GGNBP2: variants seen among roughly 807,000 people sequenced by gnomAD.
GGNBP2 encodes the protein gametogenetin-binding protein 2.
In GGNBP2, 10 loss-of-function variants were observed where a neutral mutation model predicts 85.9. The observed-to-expected ratio is 0.12, with a 90% CI of 0.07 to 0.20. The LOEUF (loss-of-function observed/expected upper bound fraction) is 0.20, where lower values mean the gene tolerates loss of function less well. Among genes scored for constraint, GGNBP2 ranks in the 10% least tolerant of loss-of-function variants. The probability of loss-of-function intolerance (pLI) is 1.00; values close to 1 mark genes in which losing one functional copy is unlikely to be tolerated. For synonymous variants in GGNBP2, 287 were observed against 285.7 expected, an observed-to-expected ratio of 1.00 and a Z score of -0.05; for missense variants, 595 against 857.8, an observed-to-expected ratio of 0.69 and a Z score of 3.83.
intron 12 of GGNBP2, 162 bp downstream of exon 12, chr17:36,586,360 T>C (rs1567836292): frequency 1.0e-5 from 8 of 786,326 alleles, no homozygotes; most frequent in African/African-American, 1.7e-5. Context: ...GAGTGTGGGT[T>C]GGGGGCAGAG....
At chr17:36,576,573 AAAAAAAAAAAAAT>A (rs1329852924) in intron 6 of GGNBP2, 115 of 26,886 alleles carry the variant, frequency 4.3e-3, no homozygotes, top group Admixed American at 9.1e-3. Flanking sequence ...AAAAAAAAAA[AAAAAAAAAAAAAT>A]ATATATATAT....
chr17:36,579,349 T>G lies in GGNBP2; in HGVS notation c.950T>G (p.Leu317Arg). Residue 317 changes from leucine to arginine, a missense_variant, in exon 8 of 14, where the codon CTA (leucine) becomes CGA (arginine). Physicochemically the swap from Leu to Arg is moderately radical, Grantham distance 102. This residue lies in a region of GGNBP2 where 92 missense variants were observed against 183.9 expected (regional missense o/e 0.50). Transcript: ENST00000613102. ...YERLHRIWQK[L>R]RAEEQTWQML... Reference sequence around the variant, plus strand: ...AGACTGCATCGAATCTGGCAGAAGCTACGGGCAGAAGAGCAGACATGGCAG... The same window carrying G: ...AGACTGCATCGAATCTGGCAGAAGCGACGGGCAGAAGAGCAGACATGGCAG... The G allele has an allele frequency of 6.2e-7, 1 of 1,614,224 alleles. No individual in the cohort carries two copies. The highest frequency in any genetic ancestry group is 1.1e-5 in the South Asian group (1 of 91,092).
At chr17:36,582,940 T>C (rs930951683) in intron 9 of GGNBP2, among the ~76,000 whole-genome samples, 1 of 152,200 alleles carries the variant, frequency 6.6e-6, no homozygotes, top group Non-Finnish European at 1.5e-5. Flanking sequence ...TAATGTTAAC[T>C]AAATATTTTT....
At position 36,560,773 on chromosome 17, in the gene GGNBP2, G is replaced by A. The variant is rs200365164; in HGVS notation, c.429G>A (p.Gly143=). 8.5e-5 allele frequency: 127 copies of A among 1,491,856 alleles called. 1 individual carries two copies. In the African/African-American group the frequency reaches 1.7e-3, roughly 20 times the overall value. The allele number at this position is 1,491,856 out of a possible 1,614,324, so 92.4% of individuals were successfully genotyped here. A position where few individuals can be genotyped will look rare whatever the true frequency, so the allele number is the denominator to read the frequency against. ...KKLYTLFYVH[G]SKLNDMIDAI... ...CTTAATATGTTTTATTTTTAATTAG[G>A]TCCAAACTAAATGACATGATAGATG... The change falls in exon 5 of 14, where the codon GGG becomes GGA. Residue 143 remains glycine (G), a splice_region_variant and synonymous_variant. Coordinates refer to ENST00000613102, the MANE Select transcript of GGNBP2 (RefSeq NM_024835.5).
Position 36,550,322 on chromosome 17 carries a change from G to GT in GGNBP2, c.94-4488dup, listed in dbSNP as rs369077664. On this transcript the variant is annotated intron_variant, in intron 2 of 13. Transcript: ENST00000613102. ...TACTCTGATAAGAGTTTGGGGTTTTGTTTTTTTTTTCTTTTTGTTCTTGTT... is the reference window on the plus strand; with the variant it reads ...TACTCTGATAAGAGTTTGGGGTTTTGTTTTTTTTTTTCTTTTTGTTCTTGTT... Among the ~76,000 whole-genome samples the GT allele has an allele frequency of 2.3e-3, 340 of 147,740 alleles. 1 individual carries two copies. Among genetic ancestry groups the GT allele is most frequent in the Middle Eastern group, 0.01 (3 of 286 alleles).
chr17:36,566,870 CAA>C (rs1036559728), intron 5 of GGNBP2, among the ~76,000 whole-genome samples: 2 of 145,662 alleles, frequency 1.4e-5, no homozygotes, highest in Non-Finnish European at 3.0e-5. Context: ...GGAGTGATTA[CAA>C]AAAAAAAATT....
intron 5 of GGNBP2, among the ~76,000 whole-genome samples, chr17:36,565,176 G>A (rs2074456027): frequency 6.6e-6 from 1 of 152,150 alleles, no homozygotes; most frequent in Admixed American, 6.6e-5. Context: ...ACCCAAAAGT[G>A]GACATTGGAT....
intron 5 of GGNBP2, among the ~76,000 whole-genome samples, chr17:36,561,421 C>T (rs754979217): frequency 6.6e-6 from 1 of 151,922 alleles, no homozygotes; most frequent in African/African-American, 2.4e-5. Context: ...CACACTCGGC[C>T]GGTTGAAGTC....
chr17:36,569,251 A>G (rs1599526820), intron 6 of GGNBP2, among the ~76,000 whole-genome samples: 1 of 152,150 alleles, frequency 6.6e-6, no homozygotes, highest in East Asian at 1.9e-4. Context: ...GTGTCTACTA[A>G]AAATAAAAAA....
chr17:36,569,341 G>A (rs1340316196), intron 6 of GGNBP2, among the ~76,000 whole-genome samples: 1 of 152,188 alleles, frequency 6.6e-6, no homozygotes, highest in Non-Finnish European at 1.5e-5. Flanking sequence ...GAAACCAGGA[G>A]GTAGAGGTTG....
intron 2 of GGNBP2, among the ~76,000 whole-genome samples, chr17:36,552,256 G>A (rs1443181683): frequency 6.6e-6 from 1 of 152,096 alleles, no homozygotes; most frequent in Non-Finnish European, 1.5e-5. Context: ...TAAACCTTTT[G>A]ATGATTCCAG....
At chr17:36,563,804 C>T (rs34874411) in intron 5 of GGNBP2, among the ~76,000 whole-genome samples, 2 of 149,078 alleles carry the variant, frequency 1.3e-5, no homozygotes, top group Non-Finnish European at 3.0e-5. Context: ...AGTGCAGTGG[C>T]GCGATCTCGG....
intron 8 of GGNBP2, among the ~76,000 whole-genome samples, chr17:36,580,446 T>C (rs1688804638): frequency 6.6e-6 from 1 of 151,776 alleles, no homozygotes; most frequent in Non-Finnish European, 1.5e-5. Context: ...CCTGACCTCG[T>C]GATCCGCTGC....
Position 36,545,769 on chromosome 17 carries a change from C to T in GGNBP2, c.45C>T (p.Phe15=), listed in dbSNP as rs140693226. Residue 15 remains phenylalanine, a synonymous_variant, in exon 2 of 14, where the codon TTC becomes TTT. Coordinates refer to ENST00000613102, the MANE Select transcript of GGNBP2 (RefSeq NM_024835.5). ...TGTGCAGGGACGGGGAGGAGGAGTT[C>T]CCCTTCGAGAGGAGGCAGATTCCCC... The part of the protein sequence containing the change: ...VAVCRDGEEE[F]PFERRQIPLY... 12 of 1,583,560 alleles carry T rather than the reference C, an allele frequency of 7.6e-6. No individual in the cohort carries two copies. In the African/African-American group the frequency reaches 1.6e-4, roughly 21 times the overall value.
chr17:36,545,642 G>GCGGCGGCGGCAGAAA lies in GGNBP2; in HGVS notation c.-81_-67dup, dbSNP rs1393921586. 5 of 1,078,474 alleles carry GCGGCGGCGGCAGAAA rather than the reference G, an allele frequency of 4.6e-6. No individual in the cohort carries two copies. In the East Asian group the frequency reaches 1.3e-4, roughly 28 times the overall value. 66.8% of individuals were successfully genotyped at this position (1,078,474 alleles called of 1,614,324 possible). ...AGGCAGGAGCTGGGAGGAGGCGGCA[G>GCGGCGGCGGCAGAAA]CGGCGGCGGCAGAAACAGCAGCGGC... On this transcript the variant is annotated 5_prime_UTR_variant, in exon 2 of 14. Transcript: ENST00000613102.
At chr17:36,561,988 T>C (rs1042050051) in intron 5 of GGNBP2, among the ~76,000 whole-genome samples, 1 of 152,124 alleles carries the variant, frequency 6.6e-6, no homozygotes, top group African/African-American at 2.4e-5. Flanking sequence ...TTAAGTGCTA[T>C]AGTGTCCAAG....
Position 36,586,908 on chromosome 17 carries a change from C to T in GGNBP2, c.1642-89C>T, listed in dbSNP as rs574782460. The T allele has an allele frequency of 5.2e-4, 667 of 1,294,498 alleles. 2 individuals carry two copies. The African/African-American group carries it at 8.3e-3, about 16-fold the overall frequency. The allele number at this position is 1,294,498 out of a possible 1,614,324, so 80.2% of individuals were successfully genotyped here. On this transcript the variant is annotated intron_variant, in intron 12 of 13. Coordinates refer to ENST00000613102, the MANE Select transcript of GGNBP2 (RefSeq NM_024835.5). ...TGTTGAGATTGTAGGCATGAGCCAC[C>T]GTGCCCCGCTTTTTTTTTTTTTTTT... is the stretch of plus-strand genomic sequence containing the variant.
intron 5 of GGNBP2, among the ~76,000 whole-genome samples, chr17:36,566,571 C>T (rs767180869): frequency 2.4e-4 from 36 of 151,650 alleles, no homozygotes; most frequent in South Asian, 4.2e-4. Context: ...CCTAGCTATT[C>T]GGGAGGCTGA....
chr17:36,548,035 T>C (rs1253658659), intron 2 of GGNBP2, among the ~76,000 whole-genome samples: 1 of 152,230 alleles, frequency 6.6e-6, no homozygotes, highest in Non-Finnish European at 1.5e-5. Flanking sequence ...AGTTTTATGC[T>C]CTGCATTGTT....
Sources: allele counts gnomAD v4.1 joint callset (sites outside exome capture counted in the v4.1 genomes callset), GRCh38; gene constraint gnomAD v4.1.1; regional missense constraint gnomAD v4.1.1; transcripts MANE v1.5; gene names NCBI Gene and HGNC (gene_info 2026-07-23, HGNC 2026-07-21).